The following SLC30A10 variants were observed in gnomAD, a reference collection of about 807,000 sequenced individuals.
SLC30A10 encodes solute carrier family 30 member 10.
Under a neutral mutation model 21.7 loss-of-function variants are expected in SLC30A10, and 8 were observed. The observed-to-expected ratio is 0.37, with a 90% CI of 0.22 to 0.67. SLC30A10 has a LOEUF of 0.67. Ranked by LOEUF, SLC30A10 falls within the 30% of genes least tolerant of loss-of-function variation. The pLI is 0.58. For synonymous variants in SLC30A10, 272 were observed against 279.4 expected (o/e 0.97, Z 0.26); for missense variants, 521 against 642.5 (o/e 0.81, Z 2.04).
chr1:219,929,989 G>T (rs911250740), upstream of SLC30A10, among the ~76,000 whole-genome samples: 7 of 152,150 alleles, frequency 4.6e-5, no homozygotes, highest in Non-Finnish European at 1.0e-4. Context: ...AGGTTTCTTT[G>T]TTGGTTTCTT....
At position 219,911,971 on chromosome 1, in the gene SLC30A10, A is replaced by G. The variant is rs1004104697; in HGVS notation, c.*3478T>C. On this transcript the variant is annotated 3_prime_UTR_variant, in exon 4 of 4. Coordinates refer to ENST00000366926, the MANE Select transcript of SLC30A10 (RefSeq NM_018713.3). ...ACCCACACATCAGGAGCAAGAACAC[A>G]TCCAATTCAAAATGTCAGTAATGCC... 1.3e-5 allele frequency among the ~76,000 whole-genome samples: 2 copies of G among 152,098 alleles called. No homozygotes were observed. Among genetic ancestry groups the G allele is most frequent in the African/African-American group, 4.8e-5 (2 of 41,410 alleles).
intron 1 of SLC30A10, among the ~76,000 whole-genome samples, chr1:219,940,184 A>C (rs1420194445): frequency 6.6e-6 from 1 of 152,066 alleles, no homozygotes; most frequent in Non-Finnish European, 1.5e-5. Flanking sequence ...CATGCTTGAA[A>C]CGCTGAGCCA....
At chr1:219,931,093 G>C (rs529021893), upstream of SLC30A10, among the ~76,000 whole-genome samples, 1 of 152,318 alleles carries the variant, frequency 6.6e-6, no homozygotes, top group East Asian at 1.9e-4. Context: ...AAATAAGTGA[G>C]GGAAGCCTGG....
intron 2 of SLC30A10, among the ~76,000 whole-genome samples, chr1:219,926,279 C>T (rs1659823493): frequency 6.6e-6 from 1 of 152,136 alleles, no homozygotes; most frequent in African/African-American, 2.4e-5. Context: ...ACAGGCTTTC[C>T]CCAAACCACA....
chr1:219,923,927 G>C (rs1208623817), intron 2 of SLC30A10, among the ~76,000 whole-genome samples: 1 of 152,188 alleles, frequency 6.6e-6, no homozygotes, highest in East Asian at 1.9e-4. Flanking sequence ...GCCGGGTGCA[G>C]TGGCGCGCGC....
At chr1:219,921,592 G>T (rs200030749) in intron 2 of SLC30A10, among the ~76,000 whole-genome samples, 1 of 152,022 alleles carries the variant, frequency 6.6e-6, no homozygotes, top group East Asian at 1.9e-4. Context: ...GATACAAATT[G>T]CAACAAATAA....
At chr1:219,937,240 A>C (rs1306107219) in intron 1 of SLC30A10, among the ~76,000 whole-genome samples, 1 of 152,180 alleles carries the variant, frequency 6.6e-6, no homozygotes, top group African/African-American at 2.4e-5. Flanking sequence ...ATTTGTCCTC[A>C]GGCTTTTTCT....
chr1:219,916,428 G>A (rs185848230), intron 3 of SLC30A10, among the ~76,000 whole-genome samples: 1 of 152,318 alleles, frequency 6.6e-6, no homozygotes, highest in Non-Finnish European at 1.5e-5. Context: ...CAAGGAAATA[G>A]TTAAATCAAT....
chr1:219,921,089 A>AT (rs967090064), intron 2 of SLC30A10, among the ~76,000 whole-genome samples: 3 of 152,210 alleles, frequency 2.0e-5, no homozygotes, highest in South Asian at 2.1e-4. Context: ...ATTGTAACTA[A>AT]TTTTTTTAAC....
chr1:219,927,679 A>ACC, intron 1 of SLC30A10, 122 bp downstream of exon 1: 1 of 326,558 alleles, frequency 3.1e-6, no homozygotes, highest in East Asian at 7.2e-5. Context: ...CAACAACAAC[A>ACC]AAAAAAAAAA....
chr1:219,911,161 T>TTTTTTTTTTG lies in SLC30A10; in HGVS notation c.*4287_*4288insCAAAAAAAAA, dbSNP rs1558247385. Among the ~76,000 whole-genome samples the TTTTTTTTTTG allele has an allele frequency of 6.9e-6, 1 of 144,086 alleles. No homozygotes were observed. The highest frequency in any genetic ancestry group is 2.0e-4 in the East Asian group (1 of 4,948). The allele number at this position is 144,086 out of a possible 152,430, so 94.5% of individuals were successfully genotyped here. On this transcript the variant is annotated 3_prime_UTR_variant, in exon 4 of 4. Transcript: ENST00000366926. ...TTTTTCTACATCAGTTTTTTTTTTT[T>TTTTTTTTTTG]TTTTTTTTTTTTTGCAGTCTTTTAC...
chr1:219,929,550 CGTT>C (rs1659934195), upstream of SLC30A10, among the ~76,000 whole-genome samples: 1 of 150,124 alleles, frequency 6.7e-6, no homozygotes, highest in Non-Finnish European at 1.5e-5. Flanking sequence ...GACAGAGTTT[CGTT>C]GTTGTTGCCC....
chr1:219,936,812 C>T (rs1480527420), intron 1 of SLC30A10, among the ~76,000 whole-genome samples: 1 of 152,176 alleles, frequency 6.6e-6, no homozygotes, highest in East Asian at 1.9e-4. Context: ...CTTTTGAATG[C>T]TGCACCCTCC....
intron 1 of SLC30A10, among the ~76,000 whole-genome samples, chr1:219,945,157 G>C (rs1205457893): frequency 6.6e-6 from 1 of 152,146 alleles, no homozygotes; most frequent in Admixed American, 6.5e-5. Context: ...TTAGTTTCCA[G>C]AGCATAGAGA....
At chr1:219,925,653 T>TATATA (rs1558253395) in intron 2 of SLC30A10, among the ~76,000 whole-genome samples, 161 of 46,184 alleles carry the variant, frequency 3.5e-3, no homozygotes, top group Middle Eastern at 0.028. Flanking sequence ...ATATATATAT[T>TATATA]TTTTTTTTTT....
At chr1:219,937,025 A>G (rs1030089158) in intron 1 of SLC30A10, among the ~76,000 whole-genome samples, 1 of 152,086 alleles carries the variant, frequency 6.6e-6, no homozygotes, top group Non-Finnish European at 1.5e-5. Flanking sequence ...GTCTTTTTTT[A>G]AAAAAAGAAG....
chr1:219,954,953 G>A (rs1435560555), intron 1 of SLC30A10, among the ~76,000 whole-genome samples: 4 of 152,078 alleles, frequency 2.6e-5, no homozygotes, highest in Non-Finnish European at 5.9e-5. Flanking sequence ...CAAGGGCATG[G>A]AGGGTTTTAG....
At position 219,937,893 on chromosome 1, in the gene SLC30A10, G is replaced by A. The variant is rs2102541253; in HGVS notation, n.81-10788C>T. 1.3e-5 allele frequency among the ~76,000 whole-genome samples: 2 copies of A among 152,290 alleles called. 1 individual carries two copies. Among genetic ancestry groups the A allele is most frequent in the South Asian group, 4.1e-4 (2 of 4,826 alleles). On this transcript the variant is annotated intron_variant and non_coding_transcript_variant, in intron 1 of 8. Transcript: ENST00000484239. ...TGGTTTTCAGTGGTGCTTATTTTAT[G>A]CCTCACTGCTTCCTATATGAGTTTC...
chr1:219,946,751 A>G (rs1660190917), intron 1 of SLC30A10, among the ~76,000 whole-genome samples: 1 of 151,996 alleles, frequency 6.6e-6, no homozygotes, highest in African/African-American at 2.4e-5. Context: ...TTGTAAGAGG[A>G]TAGGTGAGTT....
Sources: gnomAD v4.1 joint callset for allele counts (sites outside exome capture counted in the v4.1 genomes callset) on GRCh38, gnomAD v4.1.1 for gene constraint, MANE v1.5 for transcripts, NCBI Gene and HGNC (gene_info 2026-07-23, HGNC 2026-07-21) for gene names.